Variants in ACVR1 observed in about 807,000 individuals in gnomAD.
ACVR1 encodes the protein activin receptor type-1.
ACVR1 carries 38 observed loss-of-function variants against 57.1 expected under a neutral mutation model. That is an observed-to-expected ratio of 0.67 (90% CI 0.51 to 0.87). The LOEUF (loss-of-function observed/expected upper bound fraction) is 0.87. Ranked by LOEUF, ACVR1 falls within the 40% of genes least tolerant of loss-of-function variation. The pLI, the probability that ACVR1 is intolerant of heterozygous loss-of-function variation, is 0.00. For synonymous variants in ACVR1, 212 were observed against 228.1 expected, an observed-to-expected ratio of 0.93 and a Z score of 0.63; for missense variants, 463 against 638.2, an observed-to-expected ratio of 0.73 and a Z score of 2.96.
rs564072145 is a variant in ACVR1 at position 157,876,303 on chromosome 2, T to TGCGGCG, written c.-696_-691dup. Among the ~76,000 whole-genome samples, 9,870 of 132,968 alleles carry TGCGGCG rather than the reference T, an allele frequency of 0.074. 406 individuals carry two copies. Among genetic ancestry groups the TGCGGCG allele is most frequent in the African/African-American group, 0.12 (4,167 of 35,400 alleles). 87.2% of individuals were successfully genotyped at this position (132,968 alleles called of 152,430 possible). On this transcript the variant is annotated 5_prime_UTR_variant, in exon 1 of 11. Coordinates refer to ENST00000434821, the MANE Select transcript of ACVR1 (RefSeq NM_001111067.4). ...GTTCCCCCTGCGCCGAGGGGGAGGC[T>TGCGGCG]GCGGCGGCGGCGGCGGCTGCAAAGA...
intron 1 of ACVR1, among the ~76,000 whole-genome samples, chr2:157,843,261 C>A (rs907787453): frequency 9.2e-5 from 14 of 152,216 alleles, no homozygotes; most frequent in African/African-American, 3.4e-4. Context: ...CATTACTCAA[C>A]ACACTAATAG....
At chr2:157,866,653 A>G (rs1689948391) in intron 1 of ACVR1, among the ~76,000 whole-genome samples, 1 of 152,214 alleles carries the variant, frequency 6.6e-6, no homozygotes. Context: ...GGCTCAGTGA[A>G]ATAGGCACAG....
At chr2:157,800,420 G>C (rs1687282144) in intron 2 of ACVR1, among the ~76,000 whole-genome samples, 1 of 152,062 alleles carries the variant, frequency 6.6e-6, no homozygotes, top group African/African-American at 2.4e-5. Context: ...TTGAGCCCAG[G>C]AGTTTGAGAC....
intron 3 of ACVR1, among the ~76,000 whole-genome samples, chr2:157,793,387 G>A (rs907334843): frequency 8.5e-5 from 13 of 152,078 alleles, no homozygotes; most frequent in African/African-American, 3.1e-4. Context: ...TGTGGCACTA[G>A]TTTAACTACT....
chr2:157,740,541 G>C (rs1684712153), intron 9 of ACVR1, among the ~76,000 whole-genome samples: 1 of 152,134 alleles, frequency 6.6e-6, no homozygotes, highest in South Asian at 2.1e-4. Flanking sequence ...CAATTTTTCT[G>C]AAAGAGAATA....
intron 2 of ACVR1, among the ~76,000 whole-genome samples, chr2:157,818,045 C>G (rs955783669): frequency 2.0e-5 from 3 of 151,074 alleles, no homozygotes; most frequent in Non-Finnish European, 4.4e-5. Flanking sequence ...AATGTAGTGG[C>G]CCTGTAAGGT....
intron 1 of ACVR1, among the ~76,000 whole-genome samples, chr2:157,868,104 G>C (rs531647965): frequency 6.6e-6 from 1 of 152,238 alleles, no homozygotes; most frequent in South Asian, 2.1e-4. Flanking sequence ...AACTGTGAAT[G>C]TGCTGTTCCT....
chr2:157,779,233 TATA>T (rs1321487774), intron 4 of ACVR1, among the ~76,000 whole-genome samples: 1 of 152,216 alleles, frequency 6.6e-6, no homozygotes, highest in Non-Finnish European at 1.5e-5. Flanking sequence ...TCACAGTTGG[TATA>T]ATAATGTTTG....
At chr2:157,752,327 C>G (rs1346058622) in intron 9 of ACVR1, among the ~76,000 whole-genome samples, 1 of 152,180 alleles carries the variant, frequency 6.6e-6, no homozygotes, top group Non-Finnish European at 1.5e-5. Flanking sequence ...AGCCCCAGAC[C>G]TTCCCTCTGA....
chr2:157,780,507 A>G lies in ACVR1; in HGVS notation c.161T>C (p.Phe54Ser), dbSNP rs1300205903. The G allele has an allele frequency of 6.2e-7, 1 of 1,613,970 alleles. No individual in the cohort carries two copies. Among genetic ancestry groups the G allele is most frequent in the African/African-American group, 1.3e-5 (1 of 74,880 alleles). ...GCCATCGTTGATGCTCAGTGAGGAAAAGCACTGCTGGCCTTCACAGTGGTC... is the reference window on the plus strand; with the variant it reads ...GCCATCGTTGATGCTCAGTGAGGAAGAGCACTGCTGGCCTTCACAGTGGTC... The part of the protein sequence containing the change: ...NEDHCEGQQC[F>S]SSLSINDGFH... Residue 54 changes from phenylalanine to serine, a missense_variant, in exon 4 of 11, where the codon TTT (phenylalanine) becomes TCT (serine). By Grantham distance (155) the Phe-to-Ser change is radical. Transcript: ENST00000434821.
intron 1 of ACVR1, among the ~76,000 whole-genome samples, chr2:157,843,927 CCATT>C (rs1420281464): frequency 2.0e-5 from 3 of 152,110 alleles, no homozygotes; most frequent in African/African-American, 7.2e-5. Flanking sequence ...CTGCCAGCAT[CCATT>C]CAAAGACGAA....
intron 5 of ACVR1, among the ~76,000 whole-genome samples, chr2:157,777,294 C>T (rs931946844): frequency 2.0e-5 from 3 of 152,082 alleles, no homozygotes; most frequent in Non-Finnish European, 4.4e-5. Context: ...TGCAGTCCAG[C>T]GGGTTAATCA....
intron 2 of ACVR1, among the ~76,000 whole-genome samples, chr2:157,804,686 T>C (rs757892744): frequency 4.0e-4 from 61 of 152,152 alleles, no homozygotes; most frequent in Non-Finnish European, 2.5e-4. Flanking sequence ...ATTCAGAAAA[T>C]GGTTAGAGAC....
intron 1 of ACVR1, among the ~76,000 whole-genome samples, chr2:157,844,027 A>G (rs1362442777): frequency 6.6e-6 from 1 of 152,226 alleles, no homozygotes; most frequent in African/African-American, 2.4e-5. Context: ...CCTAAGACCC[A>G]TGCTCACTGG....
chr2:157,781,195 G>C (rs1207438320), intron 3 of ACVR1, among the ~76,000 whole-genome samples: 1 of 152,150 alleles, frequency 6.6e-6, no homozygotes, highest in Non-Finnish European at 1.5e-5. Context: ...AAATTTTTCT[G>C]GATTGGGGAA....
chr2:157,864,364 C>G (rs1397449290), intron 1 of ACVR1, among the ~76,000 whole-genome samples: 2 of 151,956 alleles, frequency 1.3e-5, no homozygotes, highest in Non-Finnish European at 2.9e-5. Flanking sequence ...CCACATGCCA[C>G]CACACCTTAC....
At chr2:157,871,808 A>G (rs915187096) in intron 1 of ACVR1, among the ~76,000 whole-genome samples, 1 of 152,236 alleles carries the variant, frequency 6.6e-6, no homozygotes, top group African/African-American at 2.4e-5. Flanking sequence ...GTGTTAACTC[A>G]GAAAAGGAAG....
At position 157,799,349 on chromosome 2, in the gene ACVR1, TAAG is replaced by T. The variant is rs1405041997; in HGVS notation, c.67+75_67+77del. 4.2e-6 allele frequency: 4 copies of T among 952,398 alleles called. No homozygotes were observed. The East Asian group carries it at 9.8e-5, about 23-fold the overall frequency. The allele number at this position is 952,398 out of a possible 1,614,324, so 59.0% of individuals were successfully genotyped here. The stretch of plus-strand genomic sequence containing the variant: ...AAGAGTGTTTTAAGTTTGATAGGCT[TAAG>T]AAGTAGTTTATAGTAAGCCAAAAAA... On this transcript the variant is annotated intron_variant, in intron 3 of 10. Transcript: ENST00000434821.
chr2:157,827,681 A>T (rs1259956102), intron 1 of ACVR1, among the ~76,000 whole-genome samples: 1 of 152,202 alleles, frequency 6.6e-6, no homozygotes, highest in Non-Finnish European at 1.5e-5. Flanking sequence ...GAATTTAGGC[A>T]ACTCTGGGTC....
Sources: allele counts gnomAD v4.1 joint callset (sites outside exome capture counted in the v4.1 genomes callset), GRCh38; gene constraint gnomAD v4.1.1; transcripts MANE v1.5; gene names NCBI Gene and HGNC (gene_info 2026-07-23, HGNC 2026-07-21).